CATSPER3: variants seen among roughly 807,000 people sequenced by gnomAD.
CATSPER3 encodes the protein cation channel sperm associated 3, also known as cation channel sperm-associated protein 3.
Under a neutral mutation model 36.6 loss-of-function variants are expected in CATSPER3, and 23 were observed. That is an observed-to-expected ratio of 0.63 (90% CI 0.45 to 0.89). The LOEUF (loss-of-function observed/expected upper bound fraction) is 0.89, where lower values mean the gene tolerates loss of function less well. Ranked by LOEUF, CATSPER3 falls within the 40% of genes least tolerant of loss-of-function variation. CATSPER3 has a pLI of 0.00. For synonymous variants in CATSPER3, 172 were observed against 184.1 expected (o/e 0.93, Z 0.53); for missense variants, 474 against 503.9 (o/e 0.94, Z 0.57).
chr5:134,981,668 A>G (rs1290596510), intron 2 of CATSPER3, among the ~76,000 whole-genome samples: 1 of 152,228 alleles, frequency 6.6e-6, no homozygotes, highest in Non-Finnish European at 1.5e-5. Context: ...AGGAGGGGGA[A>G]GAATTTGATT....
chr5:135,011,438 G>T lies in CATSPER3; in HGVS notation c.1095-83G>T, dbSNP rs531471223. On this transcript the variant is annotated intron_variant, in intron 7 of 7. Coordinates refer to ENST00000282611, the MANE Select transcript of CATSPER3 (RefSeq NM_178019.3). ...TCTTTGACCCTACACCTGTGCAGGTGCAAACGTGTGGTCAGTGGGGCCAGG... is the reference window on the plus strand; with the variant it reads ...TCTTTGACCCTACACCTGTGCAGGTTCAAACGTGTGGTCAGTGGGGCCAGG... The T allele has an allele frequency of 8.7e-5, 80 of 918,778 alleles. No homozygotes were observed. In the African/African-American group the frequency reaches 1.2e-3, roughly 14 times the overall value. The allele number at this position is 918,778 out of a possible 1,614,324, so 56.9% of individuals were successfully genotyped here. A position where few individuals can be genotyped will look rare whatever the true frequency, so the allele number is the denominator to read the frequency against.
Position 134,970,064 on chromosome 5 carries a change from TA to T in CATSPER3, c.226del (p.Arg76GlyfsTer25), listed in dbSNP as rs1751583286. 1.9e-6 allele frequency: 3 copies of T among 1,614,120 alleles called. No homozygotes were observed. Among genetic ancestry groups the T allele is most frequent in the Non-Finnish European group, 2.5e-6 (3 of 1,179,992 alleles). ...FFMALWTSYD[I>X]RYRLFRLLEF... ...ATGGCCTTGTGGACCAGTTATGACATAAGGTACCGCTTGTTCAGACTTCTTG... is the reference window on the plus strand; with the variant it reads ...ATGGCCTTGTGGACCAGTTATGACATAGGTACCGCTTGTTCAGACTTCTTG... On this transcript the variant is annotated frameshift_variant, in exon 2 of 8. Transcript: ENST00000282611. LOFTEE classifies it high-confidence loss of function.
chr5:135,007,056 T>C (rs1004317616), intron 3 of CATSPER3, among the ~76,000 whole-genome samples: 8 of 152,140 alleles, frequency 5.3e-5, no homozygotes, highest in Admixed American at 5.2e-4. Context: ...CTGTACTGCC[T>C]TGTTTCTTAG....
chr5:134,969,465 A>T (rs1384662372), intron 1 of CATSPER3: 2 of 171,994 alleles, frequency 1.2e-5, no homozygotes, highest in African/African-American at 4.8e-5. Context: ...TCATGAATAG[A>T]TTGTGTGCCC....
chr5:135,007,882 C>T (rs1752110322), intron 3 of CATSPER3, 75 bp from the exon 4 acceptor site: 10 of 1,044,808 alleles, frequency 9.6e-6, no homozygotes, highest in Non-Finnish European at 1.4e-5. Flanking sequence ...GTGAACTGGG[C>T]AGAATGGACC....
intron 3 of CATSPER3, 138 bp from the exon 4 acceptor site, chr5:135,007,819 C>CCT: frequency 2.0e-5 from 8 of 399,250 alleles, no homozygotes; most frequent in South Asian, 3.7e-5. Context: ...CCCACCCACC[C>CCT]TTATTGAGCA....
chr5:134,990,313 T>A (rs1299403041), intron 2 of CATSPER3, among the ~76,000 whole-genome samples: 1 of 152,138 alleles, frequency 6.6e-6, no homozygotes, highest in African/African-American at 2.4e-5. Flanking sequence ...GAACATTGGC[T>A]CAGTCTGGAA....
At chr5:134,969,913 A>G in intron 1 of CATSPER3, 26 bp from the exon 2 acceptor site, 1 of 1,613,794 alleles carries the variant, frequency 6.2e-7, no homozygotes, top group Non-Finnish European at 8.5e-7. Context: ...TGCTGTAACC[A>G]TACTTCACAT....
chr5:134,967,997 T>C lies in CATSPER3; in HGVS notation c.6T>C (p.Ser2=). The change falls in exon 1 of 8, where the codon TCT becomes TCC. Residue 2 remains serine (S), a synonymous_variant. Transcript: ENST00000282611. The part of the protein sequence containing the change: M[S]QHRHQRHSRV... ...AAAAGTTGAAAATTTGGAAAATGTCTCAACACCGTCACCAGCGCCACTCGA... is the reference window on the plus strand; with the variant it reads ...AAAAGTTGAAAATTTGGAAAATGTCCCAACACCGTCACCAGCGCCACTCGA... 1 of 1,613,660 alleles carries C rather than the reference T, an allele frequency of 6.2e-7. No homozygotes were observed. The highest frequency in any genetic ancestry group is 8.5e-7 in the Non-Finnish European group (1 of 1,179,568).
intron 2 of CATSPER3, among the ~76,000 whole-genome samples, chr5:134,973,282 G>A (rs1171536198): frequency 6.6e-6 from 1 of 152,180 alleles, no homozygotes; most frequent in East Asian, 1.9e-4. Flanking sequence ...TCATCTGACA[G>A]TGAAGATAGA....
Position 135,004,290 on chromosome 5 carries a change from T to C in CATSPER3, c.493-3667T>C, listed in dbSNP as rs113659536. On this transcript the variant is annotated intron_variant, in intron 3 of 7. Coordinates refer to ENST00000282611, the MANE Select transcript of CATSPER3 (RefSeq NM_178019.3). ...TTCCTGCATTGGCGTCCCACACTACTGGGAGCCCTGGAACAGAAATGCCCG... is the reference window on the plus strand; with the variant it reads ...TTCCTGCATTGGCGTCCCACACTACCGGGAGCCCTGGAACAGAAATGCCCG... 4.6e-3 allele frequency among the ~76,000 whole-genome samples: 705 copies of C among 152,344 alleles called. 5 individuals carry two copies. The highest frequency in any genetic ancestry group is 0.016 in the African/African-American group (665 of 41,580).
chr5:134,996,287 C>T lies in CATSPER3; in HGVS notation c.267C>T (p.Phe89=), dbSNP rs1751944723. 1 of 1,614,260 alleles carries T rather than the reference C, an allele frequency of 6.2e-7. No individual in the cohort carries two copies. Among genetic ancestry groups the T allele is most frequent in the Non-Finnish European group, 8.5e-7 (1 of 1,180,044 alleles). The change falls in exon 3 of 8, where the codon TTC becomes TTT. Residue 89 remains phenylalanine (F), a synonymous_variant. Coordinates refer to ENST00000282611, the MANE Select transcript of CATSPER3 (RefSeq NM_178019.3). The stretch of plus-strand genomic sequence containing the variant: ...TACCCCTGTAGTTCTCGGAGATCTT[C>T]TTTGTGTCCATCTGCACATCTGAGT... The part of the protein sequence containing the change: ...LFRLLEFSEI[F]FVSICTSELS...
intron 3 of CATSPER3, among the ~76,000 whole-genome samples, chr5:135,002,677 A>G (rs1261141475): frequency 1.3e-5 from 2 of 151,950 alleles, no homozygotes; most frequent in East Asian, 3.9e-4. Flanking sequence ...TTTTTTCTCT[A>G]AACTTCTCGC....
At chr5:135,001,020 G>A (rs1381981163) in intron 3 of CATSPER3, among the ~76,000 whole-genome samples, 1 of 151,968 alleles carries the variant, frequency 6.6e-6, no homozygotes, top group Non-Finnish European at 1.5e-5. Flanking sequence ...TGATGTTAGG[G>A]TGTCAATTTT....
rs143094180 is a variant in CATSPER3, at chr5:134,981,126, C to T, written c.252+11034C>T. ...TTGTTTCTTCTTTCCCTCTTCTTCCCTTCATTTTTTCCCCAAACCCTCTCT... is the reference window on the plus strand; with the variant it reads ...TTGTTTCTTCTTTCCCTCTTCTTCCTTTCATTTTTTCCCCAAACCCTCTCT... On this transcript the variant is annotated intron_variant, in intron 2 of 7. Transcript: ENST00000282611. 8.4e-3 allele frequency among the ~76,000 whole-genome samples: 1,265 copies of T among 150,934 alleles called. 16 individuals are homozygous for T. Among genetic ancestry groups the T allele is most frequent in the Middle Eastern group, 0.024 (7 of 292 alleles).
chr5:134,990,403 A>G (rs970342609), intron 2 of CATSPER3, among the ~76,000 whole-genome samples: 4 of 152,200 alleles, frequency 2.6e-5, no homozygotes, highest in Non-Finnish European at 5.9e-5. Context: ...TTGAGTTTCT[A>G]ATTAGCGTCT....
At chr5:134,982,779 A>G (rs1021007511) in intron 2 of CATSPER3, among the ~76,000 whole-genome samples, 1 of 152,250 alleles carries the variant, frequency 6.6e-6, no homozygotes, top group Non-Finnish European at 1.5e-5. Context: ...CAACTGCATC[A>G]GTAAATACAA....
chr5:135,000,006 T>G (rs2149551592), intron 3 of CATSPER3, among the ~76,000 whole-genome samples: 1 of 152,330 alleles, frequency 6.6e-6, no homozygotes, highest in Non-Finnish European at 1.5e-5. Context: ...AGGGAATGCT[T>G]CCAGTTTTTG....
Position 135,007,937 on chromosome 5 carries a change from A to T in CATSPER3, c.493-20A>T. 1 of 1,612,530 alleles carries T rather than the reference A, an allele frequency of 6.2e-7. No homozygotes were observed. The highest frequency in any genetic ancestry group is 8.5e-7 in the Non-Finnish European group (1 of 1,179,414). On this transcript the variant is annotated intron_variant, in intron 3 of 7. Transcript: ENST00000282611. ...CAGCTTGGTGGTACCCTCGCCTACCACAGTGTCCCTGCCTTGCAGACGCTG... is the reference window on the plus strand; with the variant it reads ...CAGCTTGGTGGTACCCTCGCCTACCTCAGTGTCCCTGCCTTGCAGACGCTG...
Sources: gnomAD v4.1 joint callset for allele counts (sites outside exome capture counted in the v4.1 genomes callset) on GRCh38, gnomAD v4.1.1 for gene constraint, MANE v1.5 for transcripts, NCBI Gene and HGNC (gene_info 2026-07-23, HGNC 2026-07-21) for gene names.